PRLR: variants seen among roughly 807,000 people sequenced by gnomAD.
PRLR encodes the protein hPRL receptor.
A neutral mutation model predicts 40.2 loss-of-function variants in PRLR; 13 were observed. The ratio of observed to expected loss-of-function variants is 0.32; its 90% CI spans 0.21 to 0.51. The LOEUF (loss-of-function observed/expected upper bound fraction) is 0.51. PRLR is among the 20% of genes least tolerant of loss of function. PRLR has a pLI of 0.97. For synonymous variants in PRLR, 269 were observed against 278.7 expected (o/e 0.97, Z 0.35); for missense variants, 656 against 747.3 (o/e 0.88, Z 1.42).
chr5:35,207,655 A>G (rs576384648), intron 1 of PRLR, among the ~76,000 whole-genome samples: 8 of 146,622 alleles, frequency 5.5e-5, no homozygotes, highest in Non-Finnish European at 1.1e-4. Flanking sequence ...TAGAGAAGTC[A>G]TGTAATATAA....
At position 35,128,040 on chromosome 5, in the gene PRLR, G is replaced by C. The variant is rs576667919; in HGVS notation, c.-105-9918C>G. 3.3e-5 allele frequency among the ~76,000 whole-genome samples: 5 copies of C among 152,172 alleles called. No individual in the cohort carries two copies. In the South Asian group the frequency reaches 1.0e-3, roughly 32 times the overall value. On this transcript the variant is annotated intron_variant, in intron 1 of 9. Coordinates refer to ENST00000618457, the MANE Select transcript of PRLR (RefSeq NM_000949.7). ...AGGCATTCAACCTGCTTCTTGATGA[G>C]GTTAGGTCCAGATAAACTATACGCT...
intron 2 of PRLR, among the ~76,000 whole-genome samples, chr5:35,095,389 G>C (rs1771469715): frequency 6.6e-6 from 1 of 152,132 alleles, no homozygotes; most frequent in African/African-American, 2.4e-5. Flanking sequence ...GTCCCACGCT[G>C]GTATTTCAAA....
In PRLR at chr5:35,167,664, C is replaced by T. The variant is rs374930921; in HGVS notation, c.-105-49542G>A. ...TTTAATAATATATGTAGAATTAAAA[C>T]GCATACAGTAGTATGGAAGACAGAA... is the stretch of plus-strand genomic sequence containing the variant. On this transcript the variant is annotated intron_variant, in intron 1 of 9. Transcript: ENST00000618457. 2.0e-5 allele frequency among the ~76,000 whole-genome samples: 3 copies of T among 151,840 alleles called. No homozygotes were observed. In the East Asian group the frequency reaches 5.8e-4, roughly 29 times the overall value.
rs1253076099 is a variant in PRLR, at chr5:35,057,204, G to C, written c.*7885C>G. 6.6e-6 allele frequency: 1 copy of C among 152,084 alleles called. No individual in the cohort carries two copies. Among genetic ancestry groups the C allele is most frequent in the Admixed American group, 6.6e-5 (1 of 15,262 alleles). 9.4% of individuals were successfully genotyped at this position (152,084 alleles called of 1,614,324 possible). A position where few individuals can be genotyped will look rare whatever the true frequency, so the allele number is the denominator to read the frequency against. On this transcript the variant is annotated 3_prime_UTR_variant, in exon 10 of 10. Coordinates refer to ENST00000618457, the MANE Select transcript of PRLR (RefSeq NM_000949.7). ...TTTTTCTCAGCCTCCCATGTTATAG[G>C]GATGAGGTAAAGGAGGGAAATTTTG...
chr5:35,183,029 T>C (rs1306739594), intron 1 of PRLR, among the ~76,000 whole-genome samples: 1 of 152,140 alleles, frequency 6.6e-6, no homozygotes, highest in Admixed American at 6.5e-5. Context: ...ACCTGAGACG[T>C]TCTCTAGCCC....
At chr5:35,128,385 T>C (rs1386642795) in intron 1 of PRLR, among the ~76,000 whole-genome samples, 1 of 151,236 alleles carries the variant, frequency 6.6e-6, no homozygotes. Flanking sequence ...CCTATTCACA[T>C]CCTCCCATAT....
chr5:35,214,469 TC>T (rs1157187245), intron 1 of PRLR, among the ~76,000 whole-genome samples: 1 of 152,186 alleles, frequency 6.6e-6, no homozygotes, highest in Non-Finnish European at 1.5e-5. Context: ...GCATTGAGGA[TC>T]AACTATAGAT....
intron 1 of PRLR, among the ~76,000 whole-genome samples, chr5:35,158,280 A>G (rs73078810): frequency 0.076 from 11,619 of 152,218 alleles, 1,509 homozygotes; most frequent in African/African-American, 0.26. Context: ...TATTGAGAGC[A>G]GGAGAGGGTC....
chr5:35,188,938 T>C (rs964906317), intron 1 of PRLR, among the ~76,000 whole-genome samples: 4 of 152,282 alleles, frequency 2.6e-5, no homozygotes, highest in South Asian at 2.1e-4. Flanking sequence ...AATTCATACG[T>C]TGAAATCCCA....
chr5:35,079,540 G>A (rs563295057), intron 5 of PRLR, among the ~76,000 whole-genome samples: 2 of 152,244 alleles, frequency 1.3e-5, no homozygotes, highest in South Asian at 4.1e-4. Flanking sequence ...ACAAACCATT[G>A]CTCAATGAAA....
At position 35,149,465 on chromosome 5, in the gene PRLR, C is replaced by T. The variant is rs192752884; in HGVS notation, c.-105-31343G>A. Among the ~76,000 whole-genome samples, 394 of 152,070 alleles carry T rather than the reference C, an allele frequency of 2.6e-3. 4 individuals are homozygous for T. Among genetic ancestry groups the T allele is most frequent in the Admixed American group, 0.022 (330 of 15,284 alleles). On this transcript the variant is annotated intron_variant, in intron 1 of 9. Transcript: ENST00000618457. ...AATAACCTTTGATAATAATAATATCCAGTTTTCATGCAGCTCACACATATG... is the reference window on the plus strand; with the variant it reads ...AATAACCTTTGATAATAATAATATCTAGTTTTCATGCAGCTCACACATATG...
At chr5:35,209,047 T>A (rs976536075) in intron 1 of PRLR, among the ~76,000 whole-genome samples, 2 of 152,118 alleles carry the variant, frequency 1.3e-5, no homozygotes. Flanking sequence ...GACTATCATA[T>A]AACACTAAGT....
At chr5:35,163,182 A>C (rs944383112) in intron 1 of PRLR, among the ~76,000 whole-genome samples, 3 of 152,002 alleles carry the variant, frequency 2.0e-5, no homozygotes, top group Non-Finnish European at 2.9e-5. Flanking sequence ...GGCTTTGGAG[A>C]GGGCCCCTGT....
In PRLR at chr5:35,064,309, A is replaced by T. The variant is rs1769215131; in HGVS notation, c.*780T>A. The stretch of plus-strand genomic sequence containing the variant: ...GTCTTTAGGGAATTTTTTTTTAACT[A>T]AGGAAAGACTAAGGTGTATAATAAA... On this transcript the variant is annotated 3_prime_UTR_variant, in exon 10 of 10. Transcript: ENST00000618457. 6.6e-6 allele frequency: 1 copy of T among 152,194 alleles called. No homozygotes were observed. Among genetic ancestry groups the T allele is most frequent in the Admixed American group, 6.5e-5 (1 of 15,270 alleles). The allele number at this position is 152,194 out of a possible 1,614,324, so 9.4% of individuals were successfully genotyped here.
chr5:35,167,031 A>G (rs1358464925), intron 1 of PRLR, among the ~76,000 whole-genome samples: 2 of 152,108 alleles, frequency 1.3e-5, no homozygotes, highest in Non-Finnish European at 2.9e-5. Context: ...ATTCAATTCT[A>G]TACAAACTTT....
chr5:35,130,863 A>G (rs545972217), intron 1 of PRLR, among the ~76,000 whole-genome samples: 1 of 152,284 alleles, frequency 6.6e-6, no homozygotes, highest in South Asian at 2.1e-4. Context: ...ACACACGGGG[A>G]GGACACCTTG....
chr5:35,107,295 C>T (rs1772325125), intron 2 of PRLR, among the ~76,000 whole-genome samples: 1 of 151,968 alleles, frequency 6.6e-6, no homozygotes, highest in African/African-American at 2.4e-5. Context: ...AAATCGACAC[C>T]CTAACATCAC....
intron 1 of PRLR, among the ~76,000 whole-genome samples, chr5:35,173,240 G>A (rs1775052547): frequency 6.6e-6 from 1 of 152,198 alleles, no homozygotes; most frequent in Non-Finnish European, 1.5e-5. Flanking sequence ...CATGTTGGCT[G>A]ATAAAATTCA....
intron 1 of PRLR, among the ~76,000 whole-genome samples, chr5:35,167,009 C>T (rs1010377706): frequency 6.6e-6 from 1 of 152,034 alleles, no homozygotes; most frequent in African/African-American, 2.4e-5. Flanking sequence ...TCAAGAATGG[C>T]TATGATGGTA....
Sources: gnomAD v4.1 joint callset for allele counts (sites outside exome capture counted in the v4.1 genomes callset) on GRCh38, gnomAD v4.1.1 for gene constraint, MANE v1.5 for transcripts, NCBI Gene and HGNC (gene_info 2026-07-23, HGNC 2026-07-21) for gene names.